VTI1A: variants seen among roughly 807,000 people sequenced by gnomAD.
The protein encoded by VTI1A is vesicle transport through interaction with t-SNAREs homolog 1A.
VTI1A carries 22 observed loss-of-function variants against 34.9 expected under a neutral mutation model. That is an observed-to-expected ratio of 0.63 (90% CI 0.45 to 0.90). The LOEUF (loss-of-function observed/expected upper bound fraction) is 0.90. VTI1A is among the 40% of genes least tolerant of loss of function. The pLI is 0.00. For synonymous variants in VTI1A, 87 were observed against 97.3 expected (o/e 0.89, Z 0.62); for missense variants, 268 against 275.6 (o/e 0.97, Z 0.20).
chr10:112,707,748 T>C (rs1265346774), intron 7 of VTI1A, among the ~76,000 whole-genome samples: 1 of 152,256 alleles, frequency 6.6e-6, no homozygotes, highest in African/African-American at 2.4e-5. Flanking sequence ...TCTGATTTGC[T>C]CTTACTTTGC....
intron 7 of VTI1A, among the ~76,000 whole-genome samples, chr10:112,743,912 G>A (rs111317833): frequency 1.3e-5 from 2 of 152,160 alleles, no homozygotes; most frequent in African/African-American, 4.8e-5. Flanking sequence ...TGAAGCCCCT[G>A]TTCAACCTCA....
Position 112,816,546 on chromosome 10 carries a change from ATTTC to A in VTI1A, c.*1169_*1172del, listed in dbSNP as rs1160294192. ...ATATGCTTTGTGATTTTTTTCTTTC[ATTTC>A]TTTCTGTCTGAGGTAACCAGGAATT... On this transcript the variant is annotated 3_prime_UTR_variant, in exon 8 of 8. Coordinates refer to ENST00000393077, the MANE Select transcript of VTI1A (RefSeq NM_145206.4). 1 of 224,194 alleles carries A rather than the reference ATTTC, an allele frequency of 4.5e-6. No homozygotes were observed. Among genetic ancestry groups the A allele is most frequent in the South Asian group, 1.8e-4 (1 of 5,450 alleles). The allele number at this position is 224,194 out of a possible 1,614,324, so 13.9% of individuals were successfully genotyped here.
intron 5 of VTI1A, among the ~76,000 whole-genome samples, chr10:112,666,432 G>A (rs1847642201): frequency 6.6e-6 from 1 of 152,278 alleles, no homozygotes; most frequent in African/African-American, 2.4e-5. Context: ...ACACTTGTCT[G>A]TAACTCTTCT....
intron 7 of VTI1A, among the ~76,000 whole-genome samples, chr10:112,791,580 A>C (rs1246087702): frequency 6.6e-6 from 1 of 152,204 alleles, no homozygotes; most frequent in Non-Finnish European, 1.5e-5. Flanking sequence ...TTCTTGCTAA[A>C]GGTCCCAATT....
At chr10:112,457,712 A>G (rs777727026) in intron 1 of VTI1A, among the ~76,000 whole-genome samples, 2 of 152,194 alleles carry the variant, frequency 1.3e-5, no homozygotes, top group Non-Finnish European at 2.9e-5. Context: ...GCCCAGGGAC[A>G]TAGACGATAG....
chr10:112,777,432 T>C (rs933693569), intron 7 of VTI1A, among the ~76,000 whole-genome samples: 1 of 152,202 alleles, frequency 6.6e-6, no homozygotes, highest in African/African-American at 2.4e-5. Context: ...GGTGGGAGGA[T>C]GGAGACAGCC....
intron 7 of VTI1A, chr10:112,671,905 T>G (rs1847863988): frequency 6.6e-6 from 1 of 152,206 alleles, no homozygotes; most frequent in Non-Finnish European, 1.5e-5. Context: ...ATTCATTTCC[T>G]TAGTAAATAT....
At chr10:112,835,580 G>T in the VTI1A span, among the ~76,000 whole-genome samples, 1 of 152,108 alleles carries the variant, frequency 6.6e-6, no homozygotes, top group Non-Finnish European at 1.5e-5. Flanking sequence ...AGTAATCCTG[G>T]GGAAATGATA....
At chr10:112,520,441 A>G (rs1849972082) in intron 3 of VTI1A, among the ~76,000 whole-genome samples, 3 of 152,042 alleles carry the variant, frequency 2.0e-5, no homozygotes, top group Admixed American at 2.0e-4. Flanking sequence ...AAGTTTAGAA[A>G]TGCTGGAAGA....
intron 1 of VTI1A, among the ~76,000 whole-genome samples, chr10:112,456,608 A>G (rs1211607056): frequency 6.6e-6 from 1 of 152,150 alleles, no homozygotes; most frequent in Non-Finnish European, 1.5e-5. Flanking sequence ...AAGAGGTTGC[A>G]ATAAATGGAT....
At chr10:112,512,947 A>G (rs963368036) in intron 3 of VTI1A, among the ~76,000 whole-genome samples, 7 of 152,122 alleles carry the variant, frequency 4.6e-5, no homozygotes, top group Non-Finnish European at 1.0e-4. Flanking sequence ...ATAGCCTTGT[A>G]AGATATTTTA....
chr10:112,495,224 TAAAAAAAAA>T (rs1299317190), intron 3 of VTI1A, among the ~76,000 whole-genome samples: 5 of 135,406 alleles, frequency 3.7e-5, no homozygotes, highest in Non-Finnish European at 4.7e-5. Context: ...TTTTTTTAGT[TAAAAAAAAA>T]TTTTCTCCAT....
chr10:112,451,080 C>G (rs925751592), intron 1 of VTI1A, among the ~76,000 whole-genome samples: 1 of 152,238 alleles, frequency 6.6e-6, no homozygotes, highest in Admixed American at 6.5e-5. Flanking sequence ...TATGGCTGTC[C>G]TCAGAATTGT....
intron 1 of VTI1A, among the ~76,000 whole-genome samples, chr10:112,451,266 T>C (rs1847228564): frequency 6.6e-6 from 1 of 152,148 alleles, no homozygotes; most frequent in Non-Finnish European, 1.5e-5. Context: ...AACCTTATAA[T>C]GTAAAAATCA....
At chr10:112,470,288 G>A (rs927534603) in intron 3 of VTI1A, among the ~76,000 whole-genome samples, 9 of 152,106 alleles carry the variant, frequency 5.9e-5, no homozygotes, top group African/African-American at 1.9e-4. Context: ...GGGTTGAGTC[G>A]AAGTATGCTA....
At chr10:112,685,571 A>G (rs1179945940) in intron 7 of VTI1A, among the ~76,000 whole-genome samples, 1 of 152,130 alleles carries the variant, frequency 6.6e-6, no homozygotes, top group East Asian at 1.9e-4. Context: ...TTTATTAAGG[A>G]CACCAAAGTA....
chr10:112,538,354 A>G (rs751771055), intron 5 of VTI1A, 24 bp downstream of exon 5: 7 of 1,606,166 alleles, frequency 4.4e-6, no homozygotes, highest in Non-Finnish European at 6.0e-6. Flanking sequence ...GAGTGAGCAA[A>G]TTGTCTTGCT....
At chr10:112,689,481 C>G (rs1266092758) in intron 7 of VTI1A, among the ~76,000 whole-genome samples, 1 of 152,066 alleles carries the variant, frequency 6.6e-6, no homozygotes, top group East Asian at 1.9e-4. Flanking sequence ...GTGGGGTGCC[C>G]TGGTAGGAGG....
intron 7 of VTI1A, among the ~76,000 whole-genome samples, chr10:112,793,161 A>G (rs1280680302): frequency 6.6e-6 from 1 of 152,222 alleles, no homozygotes; most frequent in African/African-American, 2.4e-5. Context: ...TAAGCGGATT[A>G]TTTCAGACAG....
Sources: gnomAD v4.1 joint callset for allele counts (sites outside exome capture counted in the v4.1 genomes callset) on GRCh38, gnomAD v4.1.1 for gene constraint, MANE v1.5 for transcripts, NCBI Gene and HGNC (gene_info 2026-07-23, HGNC 2026-07-21) for gene names.